TMEM266: variants seen among roughly 807,000 people sequenced by gnomAD.
TMEM266 encodes transmembrane protein 266.
In TMEM266, 33 loss-of-function variants were observed where a neutral mutation model predicts 50.5. That is an observed-to-expected ratio of 0.65 (90% CI 0.50 to 0.87). The LOEUF is 0.87. Among genes scored for constraint, TMEM266 ranks in the 40% least tolerant of loss-of-function variants. TMEM266 has a pLI of 0.00. For missense variants in TMEM266, 655 were observed against 695.1 expected, an observed-to-expected ratio of 0.94 and a Z score of 0.65; for synonymous variants, 310 against 292.3, an observed-to-expected ratio of 1.06 and a Z score of -0.62.
intron 5 of TMEM266, among the ~76,000 whole-genome samples, chr15:76,163,410 G>A (rs1214401569): frequency 6.6e-6 from 1 of 152,194 alleles, no homozygotes; most frequent in Non-Finnish European, 1.5e-5. Flanking sequence ...CAGGCAGGCT[G>A]TGCAGGGGTC....
intron 8 of TMEM266, among the ~76,000 whole-genome samples, chr15:76,176,797 C>T (rs2038289755): frequency 6.6e-6 from 1 of 152,196 alleles, no homozygotes; most frequent in African/African-American, 2.4e-5. Flanking sequence ...TATTCCTCCC[C>T]CATTGCTGGG....
chr15:76,149,531 A>G (rs572685275), intron 3 of TMEM266, among the ~76,000 whole-genome samples: 1 of 152,346 alleles, frequency 6.6e-6, no homozygotes, highest in East Asian at 1.9e-4. Flanking sequence ...CATAGGATAA[A>G]CACTGTGTTA....
rs17430570 is a variant in TMEM266, at chr15:76,161,853, C to G, written c.456+1685C>G. Among the ~76,000 whole-genome samples the G allele has an allele frequency of 0.11, 17,180 of 152,256 alleles. 1,396 individuals carry two copies. The highest frequency in any genetic ancestry group is 0.22 in the Admixed American group (3,432 of 15,302). On this transcript the variant is annotated intron_variant, in intron 5 of 10. Transcript: ENST00000388942. This position sits in a 1 kb window ranked among gnomAD's most constrained non-coding sequence, Gnocchi z 4.1. ...CTCCCGCAAACACATGGGCCGTGGCCAGATGTCTCCTTGATGCAAACCTTG... is the reference window on the plus strand; with the variant it reads ...CTCCCGCAAACACATGGGCCGTGGCGAGATGTCTCCTTGATGCAAACCTTG...
chr15:76,199,019 A>C (rs1277821737), intron 9 of TMEM266, among the ~76,000 whole-genome samples: 2 of 152,194 alleles, frequency 1.3e-5, no homozygotes, highest in Non-Finnish European at 2.9e-5. Flanking sequence ...ACATCCCGGG[A>C]GCAAGTAATC....
intron 1 of TMEM266, among the ~76,000 whole-genome samples, chr15:76,093,238 T>A (rs780621424): frequency 1.3e-5 from 2 of 151,912 alleles, no homozygotes; most frequent in Non-Finnish European, 2.9e-5. Context: ...GCTGCACCCA[T>A]CAACCTGTCA....
Position 76,149,483 on chromosome 15 carries a change from C to T in TMEM266, c.228-7121C>T, listed in dbSNP as rs75390773. On this transcript the variant is annotated intron_variant, in intron 3 of 10. Coordinates refer to ENST00000388942, the MANE Select transcript of TMEM266 (RefSeq NM_152335.3). The stretch of plus-strand genomic sequence containing the variant: ...AATGTTGAAACTGTTTATTCATCCC[C>T]CTTCTAATGACCGTGTATCTAAATC... Among the ~76,000 whole-genome samples the T allele has an allele frequency of 4.6e-3, 698 of 152,304 alleles. 7 individuals carry two copies. The highest frequency in any genetic ancestry group is 0.016 in the African/African-American group (672 of 41,554).
intron 5 of TMEM266, among the ~76,000 whole-genome samples, chr15:76,163,488 G>A (rs1012907125): frequency 6.6e-6 from 1 of 152,152 alleles, no homozygotes; most frequent in Non-Finnish European, 1.5e-5. Flanking sequence ...TCCAGGTCAC[G>A]CAGGGTCACT....
chr15:76,189,668 A>G (rs1333482187), intron 8 of TMEM266, among the ~76,000 whole-genome samples: 2 of 152,166 alleles, frequency 1.3e-5, no homozygotes, highest in Non-Finnish European at 2.9e-5. Flanking sequence ...TGAGATCCCA[A>G]GACACCCTCC....
chr15:76,134,378 T>G, intron 2 of TMEM266, 77 bp downstream of exon 2: 2 of 1,486,638 alleles, frequency 1.3e-6, no homozygotes, highest in Non-Finnish European at 1.9e-6. Context: ...ATCTTCTAAT[T>G]TAGGCAGCCA....
chr15:76,072,975 G>A (rs144317835), intron 1 of TMEM266, among the ~76,000 whole-genome samples: 3,967 of 145,548 alleles, frequency 0.027, 179 homozygotes, highest in African/African-American at 0.095. Flanking sequence ...CTTGTTGCCC[G>A]GGCTGGAGTG....
chr15:76,147,204 T>C lies in TMEM266; in HGVS notation c.227+9309T>C, dbSNP rs140059827. Among the ~76,000 whole-genome samples, 634 of 152,334 alleles carry C rather than the reference T, an allele frequency of 4.2e-3. 8 individuals carry two copies. The highest frequency in any genetic ancestry group is 0.015 in the African/African-American group (606 of 41,572). ...CTGTGGTTGTTGGCTGGCTCACCTC[T>C]GAGCATCCCTGCTAATTCCATGCTT... On this transcript the variant is annotated intron_variant, in intron 3 of 10. Transcript: ENST00000388942.
intron 8 of TMEM266, among the ~76,000 whole-genome samples, chr15:76,185,247 A>G (rs1386033058): frequency 6.6e-6 from 1 of 152,006 alleles, no homozygotes; most frequent in Non-Finnish European, 1.5e-5. Context: ...CTCCAGTTGT[A>G]CCTGAGGCCA....
intron 3 of TMEM266, among the ~76,000 whole-genome samples, chr15:76,148,268 G>A (rs1441037058): frequency 6.6e-6 from 1 of 152,208 alleles, no homozygotes; most frequent in Non-Finnish European, 1.5e-5. Context: ...CCTGAATATT[G>A]ACTTTGGCCA....
intron 1 of TMEM266, among the ~76,000 whole-genome samples, chr15:76,128,736 C>A (rs1415216293): frequency 6.6e-6 from 1 of 152,212 alleles, no homozygotes; most frequent in Non-Finnish European, 1.5e-5. Flanking sequence ...GCTGAAGCCA[C>A]CTGCTTATTG....
Position 76,192,068 on chromosome 15 carries a change from C to G in TMEM266, c.869C>G (p.Pro290Arg). Residue 290 changes from proline (P) to arginine (R), a missense_variant, in exon 9 of 11, where the codon CCG (proline) becomes CGG (arginine). Coordinates refer to ENST00000388942, the MANE Select transcript of TMEM266 (RefSeq NM_152335.3). ...CAGGCCCCGCACGTGCTCAGCCAGCCGCGCAGCCGCTTCAAAGTGTTGGAG... is the reference window on the plus strand; with the variant it reads ...CAGGCCCCGCACGTGCTCAGCCAGCGGCGCAGCCGCTTCAAAGTGTTGGAG... 1 of 1,486,070 alleles carries G rather than the reference C, an allele frequency of 6.7e-7. No homozygotes were observed. The highest frequency in any genetic ancestry group is 8.9e-7 in the Non-Finnish European group (1 of 1,123,764). 92.1% of individuals were successfully genotyped at this position (1,486,070 alleles called of 1,614,324 possible).
chr15:76,145,202 G>T (rs928388968), intron 3 of TMEM266, among the ~76,000 whole-genome samples: 1 of 152,160 alleles, frequency 6.6e-6, no homozygotes, highest in African/African-American at 2.4e-5. Flanking sequence ...TCATCCCATG[G>T]CTTCTGAGAG....
At chr15:76,063,861 A>C (rs962656662) in intron 1 of TMEM266, among the ~76,000 whole-genome samples, 2 of 152,176 alleles carry the variant, frequency 1.3e-5, no homozygotes, top group African/African-American at 4.8e-5. Flanking sequence ...AAAATGCAAA[A>C]GCTTTATGTG....
At chr15:76,060,186 G>A (rs1219875700) in intron 1 of TMEM266, among the ~76,000 whole-genome samples, 170 bp downstream of exon 1, 3 of 152,020 alleles carry the variant, frequency 2.0e-5, no homozygotes, top group Non-Finnish European at 2.9e-5. Flanking sequence ...AGCCAGGCGA[G>A]GGTGCGTGGG....
intron 8 of TMEM266, among the ~76,000 whole-genome samples, chr15:76,180,677 C>T (rs2038388458): frequency 7.1e-6 from 1 of 140,338 alleles, no homozygotes; most frequent in South Asian, 2.4e-4. Context: ...GTAGTGGCGC[C>T]ATCTTGGCTC....
Sources: allele counts gnomAD v4.1 joint callset (sites outside exome capture counted in the v4.1 genomes callset), GRCh38; gene constraint gnomAD v4.1.1; non-coding constraint Gnocchi (gnomAD v3.1); transcripts MANE v1.5; gene names NCBI Gene and HGNC (gene_info 2026-07-23, HGNC 2026-07-21).